TTLL13: variants seen among roughly 807,000 people sequenced by gnomAD.
TTLL13 encodes tubulin tyrosine ligase like 13, also known as tubulin polyglutamylase TTLL13.
the TTLL13 span, among the ~76,000 whole-genome samples, chr15:90,259,359 C>T: frequency 3.3e-5 from 5 of 151,670 alleles, no homozygotes; most frequent in Non-Finnish European, 7.4e-5. Context: ...CACTGCACTC[C>T]AGCCTGGGCA....
chr15:90,258,191 T>G, the TTLL13 span: 1 of 1,614,164 alleles, frequency 6.2e-7, no homozygotes, highest in East Asian at 2.2e-5. Flanking sequence ...AGTATCTGAA[T>G]GGAGGTACAT....
At chr15:90,260,600 C>CT in the TTLL13 span, among the ~76,000 whole-genome samples, 1 of 152,116 alleles carries the variant, frequency 6.6e-6, no homozygotes, top group Non-Finnish European at 1.5e-5. Context: ...GGCCTGTAAT[C>CT]TCAGCCCTTT....
chr15:90,257,237 C>T, the TTLL13 span: 46 of 1,613,276 alleles, frequency 2.9e-5, 2 homozygotes, highest in South Asian at 3.6e-4. Flanking sequence ...GGGCCTAGCC[C>T]GTTTTGCCAC....
At chr15:90,260,558 A>C in the TTLL13 span, among the ~76,000 whole-genome samples, 19 of 152,210 alleles carry the variant, frequency 1.2e-4, no homozygotes, top group Admixed American at 4.6e-4. Flanking sequence ...TCATTTGAAG[A>C]AAGCAAGCAA....
the TTLL13 span, chr15:90,251,437 C>G: frequency 8.8e-7 from 1 of 1,130,086 alleles, no homozygotes; most frequent in Non-Finnish European, 1.3e-6. Context: ...CCTGGTCTGT[C>G]TTTTAAGTGG....
the TTLL13 span, among the ~76,000 whole-genome samples, chr15:90,261,558 C>T: frequency 2.0e-5 from 3 of 151,664 alleles, no homozygotes; most frequent in Non-Finnish European, 2.9e-5. Flanking sequence ...TTTGGGAGGC[C>T]GAGGTGGGTG....
At chr15:90,264,777 C>T in the TTLL13 span, 4 of 1,536,084 alleles carry the variant, frequency 2.6e-6, no homozygotes, top group Non-Finnish European at 3.5e-6. Flanking sequence ...GGATCAGTGC[C>T]ACCCACTTTA....
At chr15:90,253,807 G>A in the TTLL13 span, among the ~76,000 whole-genome samples, 9 of 152,332 alleles carry the variant, frequency 5.9e-5, no homozygotes, top group Middle Eastern at 6.8e-3. Context: ...ATGATCCACC[G>A]GGGTCCACAA....
At chr15:90,253,898 T>A in the TTLL13 span, among the ~76,000 whole-genome samples, 1 of 152,072 alleles carries the variant, frequency 6.6e-6, no homozygotes, top group African/African-American at 2.4e-5. Context: ...TTTAAAAGAG[T>A]CTGCAGGCTT....
At chr15:90,263,280 C>G in the TTLL13 span, 4 of 790,272 alleles carry the variant, frequency 5.1e-6, no homozygotes, top group Non-Finnish European at 7.8e-6. Context: ...AGTGCGCTAG[C>G]TGGACCTTGG....
chr15:90,264,816 C>G, the TTLL13 span: 30 of 1,535,970 alleles, frequency 2.0e-5, no homozygotes, highest in Non-Finnish European at 7.8e-6. Flanking sequence ...TTTCTGCAAC[C>G]GGAAAGAGTG....
At chr15:90,255,957 G>A in the TTLL13 span, 1 of 1,607,472 alleles carries the variant, frequency 6.2e-7, no homozygotes, top group African/African-American at 1.3e-5. Context: ...CTCTGGTCTT[G>A]TGACCTAGGA....
chr15:90,256,313 G>A, the TTLL13 span: 3 of 1,614,034 alleles, frequency 1.9e-6, no homozygotes, highest in Non-Finnish European at 2.5e-6. Flanking sequence ...GGATGCCTCA[G>A]GACCATCAGC....
chr15:90,257,220 A>T, the TTLL13 span: 1 of 1,614,038 alleles, frequency 6.2e-7, no homozygotes, highest in Admixed American at 1.7e-5. Context: ...ATCTTCACAT[A>T]TGAGGAGGGC....
At chr15:90,262,857 G>A in the TTLL13 span, 12 of 1,300,864 alleles carry the variant, frequency 9.2e-6, no homozygotes, top group East Asian at 2.5e-5. Context: ...ACCTTCCTGG[G>A]TCAGGGAAGG....
chr15:90,264,592 G>C, the TTLL13 span: 1 of 1,071,888 alleles, frequency 9.3e-7, no homozygotes, highest in Non-Finnish European at 1.3e-6. Context: ...AATACAGTGT[G>C]GGAAAGACAG....
At chr15:90,258,816 C>T in the TTLL13 span, 1 of 1,614,182 alleles carries the variant, frequency 6.2e-7, no homozygotes, top group African/African-American at 1.3e-5. Context: ...CTCTGTGATG[C>T]TATGACCCTT....
the TTLL13 span, chr15:90,259,017 T>C: frequency 1.0e-4 from 162 of 1,600,278 alleles, no homozygotes; most frequent in Non-Finnish European, 1.3e-4. Flanking sequence ...CTGGGGCTGA[T>C]TTGCTATCAA....
At chr15:90,260,793 G>C in the TTLL13 span, among the ~76,000 whole-genome samples, 1 of 149,766 alleles carries the variant, frequency 6.7e-6, no homozygotes, top group Non-Finnish European at 1.5e-5. Flanking sequence ...GGAGGTTGCA[G>C]TGAGCTGAGA....
Sources: allele counts gnomAD v4.1 joint callset (sites outside exome capture counted in the v4.1 genomes callset), GRCh38; gene constraint gnomAD v4.1.1; transcripts MANE v1.5; gene names NCBI Gene and HGNC (gene_info 2026-07-23, HGNC 2026-07-21).